The following AFG2A variants were observed in gnomAD, a reference collection of about 807,000 sequenced individuals.
AFG2A encodes AAA ATPase AFG2A.
chr4:123,079,782 C>T, the AFG2A span, among the ~76,000 whole-genome samples: 3 of 104,364 alleles, frequency 2.9e-5, no homozygotes, highest in Admixed American at 2.3e-4. Flanking sequence ...GGAGTTTTAC[C>T]CTTGTTGCCC....
the AFG2A span, among the ~76,000 whole-genome samples, chr4:123,258,984 A>G: frequency 4.7e-5 from 7 of 149,298 alleles, no homozygotes; most frequent in African/African-American, 1.5e-4. Context: ...CTCCTGCCTC[A>G]GCCTCCCAAG....
At chr4:123,232,165 G>A in the AFG2A span, among the ~76,000 whole-genome samples, 378 of 152,038 alleles carry the variant, frequency 2.5e-3, 2 homozygotes, top group Middle Eastern at 0.014. Context: ...GCAGAGCCCA[G>A]TAAAGCATAG....
At chr4:123,189,165 A>G in the AFG2A span, among the ~76,000 whole-genome samples, 1 of 152,218 alleles carries the variant, frequency 6.6e-6, no homozygotes, top group Non-Finnish European at 1.5e-5. Flanking sequence ...GTGCAACAGG[A>G]AAGAACTGGC....
At chr4:123,012,927 CT>C in the AFG2A span, among the ~76,000 whole-genome samples, 3 of 152,266 alleles carry the variant, frequency 2.0e-5, no homozygotes, top group South Asian at 2.1e-4. Context: ...GCAGGCCCCC[CT>C]ATCCGAGTCA....
the AFG2A span, chr4:122,979,297 C>G: frequency 6.2e-7 from 1 of 1,614,086 alleles, no homozygotes; most frequent in Non-Finnish European, 8.5e-7. Context: ...GGTGGCTGGA[C>G]TGGTGAAGAT....
At chr4:122,927,081 C>G in the AFG2A span, among the ~76,000 whole-genome samples, 2,077 of 152,182 alleles carry the variant, frequency 0.014, 49 homozygotes, top group African/African-American at 0.047. Context: ...GTTAACTGGC[C>G]TGAATTCTGG....
the AFG2A span, among the ~76,000 whole-genome samples, chr4:123,029,351 C>T: frequency 6.9e-3 from 1,042 of 152,076 alleles, 8 homozygotes; most frequent in Non-Finnish European, 0.011. Context: ...GGATTACAGG[C>T]GTGAGCGACT....
the AFG2A span, among the ~76,000 whole-genome samples, chr4:123,089,076 G>C: frequency 6.6e-6 from 1 of 152,084 alleles, no homozygotes; most frequent in Non-Finnish European, 1.5e-5. Context: ...AAATACTGGA[G>C]AAGACCATGT....
chr4:123,243,294 A>G, the AFG2A span, among the ~76,000 whole-genome samples: 1 of 152,222 alleles, frequency 6.6e-6, no homozygotes, highest in Non-Finnish European at 1.5e-5. Flanking sequence ...AGACACATGC[A>G]CACGTATGTT....
At chr4:122,929,931 TAG>T in the AFG2A span, among the ~76,000 whole-genome samples, 1 of 152,154 alleles carries the variant, frequency 6.6e-6, no homozygotes, top group Non-Finnish European at 1.5e-5. Context: ...TTTCCATGAT[TAG>T]AGTGTGCCCT....
At chr4:123,238,435 G>A in the AFG2A span, among the ~76,000 whole-genome samples, 1 of 152,304 alleles carries the variant, frequency 6.6e-6, no homozygotes, top group East Asian at 1.9e-4. Flanking sequence ...GGGGCTGACA[G>A]ACACCTCATA....
chr4:123,220,455 GA>G, the AFG2A span, among the ~76,000 whole-genome samples: 2 of 149,260 alleles, frequency 1.3e-5, no homozygotes, highest in South Asian at 2.1e-4. Flanking sequence ...ACTAAAAATA[GA>G]AAAAAAAATT....
chr4:123,239,650 G>A, the AFG2A span, among the ~76,000 whole-genome samples: 9 of 152,180 alleles, frequency 5.9e-5, no homozygotes, highest in East Asian at 1.7e-3. Flanking sequence ...GTCACCACCA[G>A]GCCTGCCTTA....
the AFG2A span, among the ~76,000 whole-genome samples, chr4:123,297,547 A>G: frequency 0.72 from 109,711 of 151,840 alleles, 40,866 homozygotes; most frequent in Non-Finnish European, 0.81. Context: ...GTGAAAGCCT[A>G]TCTCTACTAA....
the AFG2A span, among the ~76,000 whole-genome samples, chr4:123,004,017 C>T: frequency 1.3e-5 from 2 of 152,170 alleles, no homozygotes; most frequent in Admixed American, 6.5e-5. Flanking sequence ...CAATGGCAGG[C>T]GCCCCTTCCC....
At chr4:123,255,898 C>A in the AFG2A span, 1 of 1,139,416 alleles carries the variant, frequency 8.8e-7, no homozygotes. Context: ...GTTTTATTTA[C>A]CAATTACGAA....
chr4:123,044,332 T>A, the AFG2A span, among the ~76,000 whole-genome samples: 1 of 152,196 alleles, frequency 6.6e-6, no homozygotes, highest in Non-Finnish European at 1.5e-5. Context: ...ATGAGTTTTT[T>A]CCTTGCAAAC....
the AFG2A span, among the ~76,000 whole-genome samples, chr4:122,945,166 A>T: frequency 6.6e-6 from 1 of 152,188 alleles, no homozygotes; most frequent in Non-Finnish European, 1.5e-5. Context: ...CTCTCTTCAA[A>T]GCTGTCAGAC....
At chr4:123,205,490 A>T in the AFG2A span, among the ~76,000 whole-genome samples, 1 of 152,238 alleles carries the variant, frequency 6.6e-6, no homozygotes. Flanking sequence ...TCAAAAATTT[A>T]AATGTTAACA....
Sources: allele counts gnomAD v4.1 joint callset (sites outside exome capture counted in the v4.1 genomes callset), GRCh38; gene constraint gnomAD v4.1.1; transcripts MANE v1.5; gene names NCBI Gene and HGNC (gene_info 2026-07-23, HGNC 2026-07-21).